GNAZ: variants seen among roughly 807,000 people sequenced by gnomAD.
GNAZ encodes the protein G protein subunit alpha z.
A neutral mutation model predicts 25.4 loss-of-function variants in GNAZ; 3 were observed. That is an observed-to-expected ratio of 0.12 (90% CI 0.05 to 0.30). The LOEUF (loss-of-function observed/expected upper bound fraction) is 0.30, where lower values mean the gene tolerates loss of function less well. GNAZ is among the 10% of genes least tolerant of loss of function. The pLI, the probability that GNAZ is intolerant of heterozygous loss-of-function variation, is 1.00. For missense variants in GNAZ, 241 were observed against 501.8 expected (o/e 0.48, Z 4.97); for synonymous variants, 211 against 205.7 (o/e 1.03, Z -0.22).
At chr22:23,098,802 C>A (rs533941485) in intron 2 of GNAZ, among the ~76,000 whole-genome samples, 159 of 152,238 alleles carry the variant, frequency 1.0e-3, no homozygotes, top group Non-Finnish European at 1.8e-3. Context: ...CTGGGCTGGC[C>A]CCGGAGGTGA....
chr22:23,120,790 G>A (rs2069998771), intron 2 of GNAZ, among the ~76,000 whole-genome samples: 1 of 152,118 alleles, frequency 6.6e-6, no homozygotes, highest in South Asian at 2.1e-4. Flanking sequence ...TGCAGCCCCA[G>A]GACTCCCACC....
Position 23,095,635 on chromosome 22 carries a change from G to C in GNAZ, c.-61G>C. 1 of 1,536,498 alleles carries C rather than the reference G, an allele frequency of 6.5e-7. No homozygotes were observed. Among genetic ancestry groups the C allele is most frequent in the Non-Finnish European group, 8.7e-7 (1 of 1,143,750 alleles). On this transcript the variant is annotated 5_prime_UTR_variant, in exon 2 of 3. Coordinates refer to ENST00000615612, the MANE Select transcript of GNAZ (RefSeq NM_002073.4). The stretch of plus-strand genomic sequence containing the variant: ...TGTCTGCCTGGTCTCAGTGTCCCCT[G>C]TGGCAAGAGGGAGAGGTGCCCCATC...
chr22:23,070,867 G>T (rs1484963771), intron 1 of GNAZ: 2 of 152,102 alleles, frequency 1.3e-5, no homozygotes, highest in Non-Finnish European at 2.9e-5. Flanking sequence ...GACAGAGGGC[G>T]CCGGGGATGC....
At chr22:23,115,998 C>T (rs1011493655) in intron 2 of GNAZ, among the ~76,000 whole-genome samples, 5 of 152,242 alleles carry the variant, frequency 3.3e-5, no homozygotes, top group African/African-American at 4.8e-5. Flanking sequence ...AGGAAGGTGC[C>T]GCGCATGTGC....
At chr22:23,104,318 G>A (rs1291908084) in intron 2 of GNAZ, among the ~76,000 whole-genome samples, 1 of 152,166 alleles carries the variant, frequency 6.6e-6, no homozygotes, top group Non-Finnish European at 1.5e-5. Context: ...CTGTGATGAC[G>A]GAGCCAGGGT....
At chr22:23,098,063 A>G (rs1306489027) in intron 2 of GNAZ, among the ~76,000 whole-genome samples, 1 of 152,204 alleles carries the variant, frequency 6.6e-6, no homozygotes, top group Non-Finnish European at 1.5e-5. Context: ...CAGTGAGGAG[A>G]TGACCCAGGT....
At chr22:23,101,713 ATGACCC>A (rs1412503047) in intron 2 of GNAZ, among the ~76,000 whole-genome samples, 1 of 152,204 alleles carries the variant, frequency 6.6e-6, no homozygotes, top group Non-Finnish European at 1.5e-5. Flanking sequence ...TCAAGTTATC[ATGACCC>A]TGGAACAGCA....
chr22:23,095,688 G>A lies in GNAZ; in HGVS notation c.-8G>A, dbSNP rs2069103640. ...GTGCTCCTTGTCTGGGCCCGCTGCT[G>A]CCAGACCATGGGATGTCGGCAAAGC... is the stretch of plus-strand genomic sequence containing the variant. On this transcript the variant is annotated 5_prime_UTR_variant, in exon 2 of 3. Transcript: ENST00000615612. 1 of 1,597,734 alleles carries A rather than the reference G, an allele frequency of 6.3e-7. No individual in the cohort carries two copies. Among genetic ancestry groups the A allele is most frequent in the South Asian group, 1.1e-5 (1 of 89,122 alleles).
At chr22:23,111,092 C>T (rs1214907428) in intron 2 of GNAZ, among the ~76,000 whole-genome samples, 2 of 152,206 alleles carry the variant, frequency 1.3e-5, no homozygotes, top group Non-Finnish European at 2.9e-5. Flanking sequence ...GCGCGCCTTC[C>T]CTGTGAGCGT....
chr22:23,110,323 C>T (rs894880524), intron 2 of GNAZ, among the ~76,000 whole-genome samples: 3 of 152,176 alleles, frequency 2.0e-5, no homozygotes, highest in African/African-American at 7.2e-5. Context: ...AACTGGAGGG[C>T]ATCACGGCAG....
intron 1 of GNAZ, among the ~76,000 whole-genome samples, chr22:23,090,634 G>T (rs140487774): frequency 2.4e-4 from 37 of 152,250 alleles, no homozygotes; most frequent in African/African-American, 8.2e-4. Context: ...CTTTGTGCCG[G>T]TGGTTCCCTC....
intron 1 of GNAZ, among the ~76,000 whole-genome samples, chr22:23,090,302 C>G (rs2068934681): frequency 6.6e-6 from 1 of 152,228 alleles, no homozygotes; most frequent in South Asian, 2.1e-4. Flanking sequence ...CTGTTCCCAC[C>G]CAGCCGCCAC....
intron 1 of GNAZ, among the ~76,000 whole-genome samples, chr22:23,082,094 C>T (rs1253882345): frequency 6.8e-6 from 1 of 146,496 alleles, no homozygotes; most frequent in Admixed American, 6.8e-5. Flanking sequence ...CGCTGCACTC[C>T]AGCCTGGGCG....
intron 2 of GNAZ, among the ~76,000 whole-genome samples, chr22:23,110,344 A>C: frequency 6.6e-6 from 1 of 152,134 alleles, no homozygotes. Context: ...CCCCCACACA[A>C]GAGGAAGTCC....
intron 1 of GNAZ, among the ~76,000 whole-genome samples, chr22:23,089,621 A>C (rs573735839): frequency 1.3e-5 from 2 of 152,184 alleles, no homozygotes; most frequent in African/African-American, 2.4e-5. Flanking sequence ...TTACAGGAAC[A>C]GACTTGAGAG....
intron 2 of GNAZ, among the ~76,000 whole-genome samples, chr22:23,106,019 G>A (rs1057403037): frequency 3.9e-5 from 6 of 152,154 alleles, no homozygotes; most frequent in Non-Finnish European, 8.8e-5. Flanking sequence ...AGGCCCTTTC[G>A]GAGCAAATGC....
At chr22:23,088,454 G>A (rs993634760) in intron 1 of GNAZ, among the ~76,000 whole-genome samples, 3 of 152,220 alleles carry the variant, frequency 2.0e-5, no homozygotes, top group African/African-American at 7.2e-5. Flanking sequence ...GGAGCTGGCA[G>A]GTACAGGAGC....
intron 2 of GNAZ, among the ~76,000 whole-genome samples, chr22:23,105,323 A>G (rs983340194): frequency 2.0e-5 from 3 of 152,372 alleles, no homozygotes; most frequent in Admixed American, 6.5e-5. Context: ...TCAAGCAGTA[A>G]CAACCCAAAT....
chr22:23,091,756 C>T (rs1037129335), intron 1 of GNAZ, among the ~76,000 whole-genome samples: 1 of 152,264 alleles, frequency 6.6e-6, no homozygotes, highest in African/African-American at 2.4e-5. Context: ...CAGGTACACA[C>T]ATGGCTTAAA....
Sources: gnomAD v4.1 joint callset for allele counts (sites outside exome capture counted in the v4.1 genomes callset) on GRCh38, gnomAD v4.1.1 for gene constraint, MANE v1.5 for transcripts, NCBI Gene and HGNC (gene_info 2026-07-23, HGNC 2026-07-21) for gene names.